Variants in SLIT3 observed in about 807,000 individuals in gnomAD.
SLIT3 encodes slit homolog 3 protein.
SLIT3 carries 68 observed loss-of-function variants against 184.0 expected under a neutral mutation model. The observed-to-expected ratio is 0.37, with a 90% confidence interval of 0.30 to 0.45. The LOEUF (loss-of-function observed/expected upper bound fraction) is 0.45. Ranked by LOEUF, SLIT3 falls within the 20% of genes least tolerant of loss-of-function variation. The pLI is 1.00. For synonymous variants in SLIT3, 831 were observed against 828.6 expected (o/e 1.00, Z -0.05); for missense variants, 1,707 against 2,026.0 (o/e 0.84, Z 3.02).
chr5:168,836,963 T>C (rs1347845784), intron 6 of SLIT3, among the ~76,000 whole-genome samples: 1 of 151,968 alleles, frequency 6.6e-6, no homozygotes, highest in Non-Finnish European at 1.5e-5. Flanking sequence ...AAAAAAAAAA[T>C]TTAGATTTCA....
intron 4 of SLIT3, among the ~76,000 whole-genome samples, chr5:168,924,501 T>G (rs553028837): frequency 7.4e-6 from 1 of 135,596 alleles, no homozygotes; most frequent in Admixed American, 7.0e-5. Context: ...AGGGTGTGTG[T>G]GTGTGTATGT....
At chr5:169,291,778 G>T (rs545374857) in intron 1 of SLIT3, among the ~76,000 whole-genome samples, 1 of 152,184 alleles carries the variant, frequency 6.6e-6, no homozygotes, top group Non-Finnish European at 1.5e-5. Flanking sequence ...ATTCTGGAAG[G>T]GATGACATGA....
At chr5:169,261,607 A>C (rs1766179864) in intron 1 of SLIT3, among the ~76,000 whole-genome samples, 1 of 151,186 alleles carries the variant, frequency 6.6e-6, no homozygotes, top group South Asian at 2.1e-4. Flanking sequence ...TTAAACACCT[A>C]CTCCAGACCT....
chr5:168,852,137 G>A (rs1758702227), intron 5 of SLIT3, among the ~76,000 whole-genome samples: 1 of 152,192 alleles, frequency 6.6e-6, no homozygotes, highest in Non-Finnish European at 1.5e-5. Flanking sequence ...GCAGGTTTAT[G>A]GTTTCCCTAG....
chr5:169,286,153 T>A (rs1306453748), intron 1 of SLIT3, among the ~76,000 whole-genome samples: 3 of 152,180 alleles, frequency 2.0e-5, no homozygotes, highest in Non-Finnish European at 4.4e-5. Flanking sequence ...ATTACTTAGC[T>A]ACTAATGGCA....
chr5:168,883,363 G>A (rs774794050), intron 4 of SLIT3, 27 bp from the exon 5 acceptor site: 2 of 1,552,902 alleles, frequency 1.3e-6, no homozygotes, highest in Non-Finnish European at 8.9e-7. Context: ...GAGGCACACT[G>A]CATTAAAGAC....
intron 4 of SLIT3, among the ~76,000 whole-genome samples, chr5:168,960,914 G>A (rs1036995604): frequency 3.9e-5 from 6 of 152,236 alleles, no homozygotes; most frequent in Non-Finnish European, 8.8e-5. Flanking sequence ...ACTGAGGCTA[G>A]GGGCCAGGAA....
intron 1 of SLIT3, among the ~76,000 whole-genome samples, chr5:169,262,440 G>A (rs991916149): frequency 4.6e-5 from 7 of 152,158 alleles, no homozygotes; most frequent in African/African-American, 1.7e-4. Context: ...GAAGGGAGAC[G>A]TTTCCAGGTG....
chr5:168,825,461 C>T (rs1203366554), intron 6 of SLIT3, among the ~76,000 whole-genome samples: 1 of 151,864 alleles, frequency 6.6e-6, no homozygotes, highest in Admixed American at 6.6e-5. Flanking sequence ...CTCCCTCCCT[C>T]CCTCCCATAT....
intron 4 of SLIT3, among the ~76,000 whole-genome samples, chr5:169,180,180 C>G (rs893800965): frequency 1.3e-5 from 2 of 152,080 alleles, no homozygotes; most frequent in Non-Finnish European, 1.5e-5. Context: ...AAGGATCTGG[C>G]CACACTGACA....
intron 15 of SLIT3, 39 bp downstream of exon 15, chr5:168,762,500 T>TGAG (rs1165967197): frequency 1.3e-6 from 2 of 1,594,952 alleles, no homozygotes; most frequent in Non-Finnish European, 1.7e-6. Context: ...GACTGGCGTG[T>TGAG]GGGGAGGAGT....
At chr5:168,889,149 G>A (rs1267640704) in intron 4 of SLIT3, among the ~76,000 whole-genome samples, 4 of 152,154 alleles carry the variant, frequency 2.6e-5, no homozygotes, top group Non-Finnish European at 5.9e-5. Context: ...AAACATGCAG[G>A]AAAAATTATC....
At chr5:168,743,595 C>A (rs1026645550) in intron 20 of SLIT3, among the ~76,000 whole-genome samples, 1 of 152,204 alleles carries the variant, frequency 6.6e-6, no homozygotes, top group Non-Finnish European at 1.5e-5. Flanking sequence ...ATTGGGCCAA[C>A]TAATAACCCT....
chr5:169,113,976 GAATC>G (rs1278217098), intron 4 of SLIT3, among the ~76,000 whole-genome samples: 3 of 152,064 alleles, frequency 2.0e-5, no homozygotes, highest in Non-Finnish European at 4.4e-5. Context: ...TTTAATAACT[GAATC>G]AATCAAGTGA....
chr5:169,229,996 G>A (rs1349591646), intron 3 of SLIT3, among the ~76,000 whole-genome samples: 1 of 152,082 alleles, frequency 6.6e-6, no homozygotes, highest in Non-Finnish European at 1.5e-5. Flanking sequence ...TCTTCCTTCG[G>A]TCTCACAGTC....
intron 4 of SLIT3, among the ~76,000 whole-genome samples, chr5:168,997,935 A>C (rs1185939002): frequency 6.6e-6 from 1 of 152,032 alleles, no homozygotes; most frequent in Non-Finnish European, 1.5e-5. Flanking sequence ...TTCATGTGAT[A>C]ACCTTTCCCA....
chr5:169,127,540 T>C (rs1318877376), intron 4 of SLIT3, among the ~76,000 whole-genome samples: 1 of 152,222 alleles, frequency 6.6e-6, no homozygotes, highest in Non-Finnish European at 1.5e-5. Context: ...CATTCAAGCA[T>C]CAAGTCTCTG....
intron 20 of SLIT3, among the ~76,000 whole-genome samples, chr5:168,732,539 C>T (rs1375360977): frequency 6.6e-6 from 1 of 152,074 alleles, no homozygotes; most frequent in Non-Finnish European, 1.5e-5. Context: ...AAGAACAAAG[C>T]TGGAGGCATC....
At chr5:168,992,347 C>T (rs958005037) in intron 4 of SLIT3, among the ~76,000 whole-genome samples, 1 of 152,232 alleles carries the variant, frequency 6.6e-6, no homozygotes, top group Non-Finnish European at 1.5e-5. Flanking sequence ...CGCAAGGACC[C>T]TCAACTACAT....
Sources: gnomAD v4.1 joint callset for allele counts (sites outside exome capture counted in the v4.1 genomes callset) on GRCh38, gnomAD v4.1.1 for gene constraint, MANE v1.5 for transcripts, NCBI Gene and HGNC (gene_info 2026-07-23, HGNC 2026-07-21) for gene names.